DST: variants seen among roughly 807,000 people sequenced by gnomAD.
DST encodes bullous pemphigoid antigen.
A neutral mutation model predicts 875.2 loss-of-function variants in DST; 253 were observed. That is an observed-to-expected ratio of 0.29 (90% confidence interval 0.26 to 0.32). The LOEUF is 0.32. Ranked by LOEUF, DST falls within the 10% of genes least tolerant of loss-of-function variation. The pLI is 1.00. For synonymous variants in DST, 3,124 were observed against 3,197.1 expected, an observed-to-expected ratio of 0.98 and a Z score of 0.77; for missense variants, 8,287 against 9,111.6, an observed-to-expected ratio of 0.91 and a Z score of 3.68.
At chr6:56,906,893 A>G (rs1419255243) in intron 2 of DST, among the ~76,000 whole-genome samples, 10 of 152,140 alleles carry the variant, frequency 6.6e-5, no homozygotes, top group Non-Finnish European at 1.3e-4. Context: ...ATTGATGACA[A>G]CCATCCTAAC....
chr6:56,807,422 TATAA>T (rs2153031029), intron 4 of DST, among the ~76,000 whole-genome samples: 1 of 152,262 alleles, frequency 6.6e-6, no homozygotes, highest in East Asian at 1.9e-4. Flanking sequence ...TACATGGAAA[TATAA>T]AGGAACAGAC....
At chr6:56,759,392 A>G (rs1483528888) in intron 4 of DST, among the ~76,000 whole-genome samples, 4 of 152,128 alleles carry the variant, frequency 2.6e-5, no homozygotes, top group Admixed American at 1.3e-4. Context: ...CAGAGGTTGC[A>G]GTGAGCCATG....
chr6:56,784,472 A>G (rs563412551), intron 4 of DST, among the ~76,000 whole-genome samples: 15 of 152,122 alleles, frequency 9.9e-5, no homozygotes, highest in Non-Finnish European at 1.6e-4. Context: ...CATTTCATTC[A>G]TTTAATCTTC....
chr6:56,898,677 T>A (rs1220447219), intron 3 of DST, among the ~76,000 whole-genome samples: 1 of 152,248 alleles, frequency 6.6e-6, no homozygotes, highest in Admixed American at 6.5e-5. Context: ...AGCTGTTCAC[T>A]GAGAATGCCA....
At chr6:56,801,625 A>G (rs2099747025) in intron 4 of DST, among the ~76,000 whole-genome samples, 2 of 152,186 alleles carry the variant, frequency 1.3e-5, no homozygotes, top group African/African-American at 2.4e-5. Context: ...CGACATGTTC[A>G]TAAAGGACTT....
chr6:56,691,578 C>T lies in DST; in HGVS notation c.1047+8075G>A, dbSNP rs567853819. Among the ~76,000 whole-genome samples the T allele has an allele frequency of 7.6e-4, 115 of 152,156 alleles. 3 individuals carry two copies. In the Middle Eastern group the frequency reaches 0.01, roughly 14 times the overall value. On this transcript the variant is annotated intron_variant, in intron 9 of 103. Coordinates refer to ENST00000680361, the MANE Select transcript of DST (RefSeq NM_001374736.1). ...AGTTAGGAATAGCTTAAAGAAAAAG[C>T]CATCAACTCCTGAGTAGTAACATGT...
chr6:56,823,145 G>C (rs2099775088), intron 4 of DST, among the ~76,000 whole-genome samples: 1 of 151,952 alleles, frequency 6.6e-6, no homozygotes, highest in Non-Finnish European at 1.5e-5. Context: ...AGTAAACAAA[G>C]AACACCCTGG....
intron 2 of DST, among the ~76,000 whole-genome samples, chr6:56,920,901 T>A (rs1803851399): frequency 8.7e-6 from 1 of 115,004 alleles, no homozygotes; most frequent in Non-Finnish European, 1.8e-5. Context: ...GCTAATTTTT[T>A]TTTTTTTTTT....
intron 36 of DST, chr6:56,619,655 C>G (rs766397553): frequency 1.2e-6 from 2 of 1,613,838 alleles, no homozygotes. Flanking sequence ...CTTGAGATCA[C>G]TAGCTTCTTG....
Position 56,529,476 on chromosome 6 carries a change from C to A in DST, c.17567G>T (p.Gly5856Val). The A allele has an allele frequency of 6.6e-7, 1 of 1,523,192 alleles. No homozygotes were observed. The allele number at this position is 1,523,192 out of a possible 1,614,324, so 94.4% of individuals were successfully genotyped here. A position where few individuals can be genotyped will look rare whatever the true frequency, so the allele number is the denominator to read the frequency against. ...AAGTTCAGACTGCTGCTTCCATAGC[C>A]CCTCAGTGCTGTAATCCTGGACTGA... ...KLSVQDYSTE[G>V]LWKQQSELRV... is the part of the protein sequence containing the mutation. The change falls in exon 66 of 104, where the codon GGG (glycine) becomes GTG (valine). Residue 5856 changes from glycine to valine, a missense_variant. Physicochemically the swap from Gly to Val is moderately radical, Grantham distance 109 (BLOSUM62 -3). Around this residue, in one of 10 missense-constraint regions of DST, gnomAD observed 777 missense variants for 764.8 expected, o/e 1.02. Transcript: ENST00000680361.
At chr6:56,799,436 GTTTTA>G (rs1170826089) in intron 4 of DST, among the ~76,000 whole-genome samples, 4 of 150,662 alleles carry the variant, frequency 2.7e-5, no homozygotes, top group Non-Finnish European at 1.5e-5. Context: ...CTTCACTGTT[GTTTTA>G]TTTTAAGAAA....
rs374832032 is a variant in DST, at chr6:56,482,354, C to T, written c.21403-176G>A. 5.6e-5 allele frequency: 42 copies of T among 749,686 alleles called. 1 individual carries two copies. In the East Asian group the frequency reaches 1.2e-3, roughly 22 times the overall value. The allele number at this position is 749,686 out of a possible 1,614,324, so 46.4% of individuals were successfully genotyped here. On this transcript the variant is annotated intron_variant, in intron 89 of 103. Transcript: ENST00000680361. ...GATACACATATTTTACAAGAAAACA[C>T]TTAATATATTAAAAAAAAAGCCTAT...
At chr6:56,712,100 A>AAAAAC (rs1360485604) in intron 5 of DST, among the ~76,000 whole-genome samples, 2 of 148,282 alleles carry the variant, frequency 1.3e-5, no homozygotes, top group Admixed American at 6.6e-5. Context: ...CAAAAAAAAA[A>AAAAAC]AAAAAATAGG....
chr6:56,874,106 C>A (rs560147878), intron 3 of DST, among the ~76,000 whole-genome samples: 5 of 152,192 alleles, frequency 3.3e-5, no homozygotes, highest in African/African-American at 7.2e-5. Flanking sequence ...CACAGAGAGA[C>A]CCTGTCTCTT....
At chr6:56,466,681 A>G (rs938684897) in intron 98 of DST, 1 of 152,180 alleles carries the variant, frequency 6.6e-6, no homozygotes, top group Non-Finnish European at 1.5e-5. Flanking sequence ...TTATAAACTC[A>G]TTTTCTTTTC....
In DST at chr6:56,606,546, A is replaced by T. The variant is rs1459577075; in HGVS notation, c.8082T>A (p.Asp2694Glu). Reference sequence around the variant, plus strand: ...CAGAATCTAATTCATCTTTCTCAACATCCATAAGGAAATCCTGAAGACAAT... The same window carrying T: ...CAGAATCTAATTCATCTTTCTCAACTTCCATAAGGAAATCCTGAAGACAAT... ...KAHCLQDFLM[D>E]VEKDELDSGE... The change falls in exon 40 of 104, where the codon GAT becomes GAA. Residue 2694 changes from aspartate to glutamate, a missense_variant. Coordinates refer to ENST00000680361, the MANE Select transcript of DST (RefSeq NM_001374736.1). 1 of 1,613,488 alleles carries T rather than the reference A, an allele frequency of 6.2e-7. No individual in the cohort carries two copies. The highest frequency in any genetic ancestry group is 8.5e-7 in the Non-Finnish European group (1 of 1,179,590).
intron 10 of DST, among the ~76,000 whole-genome samples, chr6:56,661,491 C>T (rs372046468): frequency 6.6e-6 from 1 of 151,932 alleles, no homozygotes; most frequent in African/African-American, 2.4e-5. Flanking sequence ...TGGCAGCATG[C>T]GGGGGGAGGG....
intron 2 of DST, among the ~76,000 whole-genome samples, chr6:56,934,560 TTATATATATATATATATA>T (rs60018139): frequency 9.4e-6 from 1 of 106,486 alleles, no homozygotes; most frequent in African/African-American, 3.5e-5. Context: ...ATATATTATA[TTATATATATATATATATA>T]TATATATATA....
At chr6:56,616,809 A>G in intron 36 of DST, 1 of 1,614,180 alleles carries the variant, frequency 6.2e-7, no homozygotes, top group Non-Finnish European at 8.5e-7. Flanking sequence ...TTAGAAGAAT[A>G]AGAATATCCC....
Sources: allele counts gnomAD v4.1 joint callset (sites outside exome capture counted in the v4.1 genomes callset), GRCh38; gene constraint gnomAD v4.1.1; regional missense constraint gnomAD v4.1.1; transcripts MANE v1.5; gene names NCBI Gene and HGNC (gene_info 2026-07-23, HGNC 2026-07-21).